The following ADAMTSL1 variants were observed in gnomAD, a reference collection of about 807,000 sequenced individuals.
ADAMTSL1 encodes the protein ADAMTS-like protein 1.
In ADAMTSL1, 126 loss-of-function variants were observed where a neutral mutation model predicts 201.8. The observed-to-expected ratio is 0.62, with a 90% CI of 0.54 to 0.72. The LOEUF (loss-of-function observed/expected upper bound fraction) is 0.72. ADAMTSL1 is among the 30% of genes least tolerant of loss of function. The pLI, the probability that ADAMTSL1 is intolerant of heterozygous loss-of-function variation, is 0.00. For missense variants in ADAMTSL1, 2,679 were observed against 2,277.8 expected, an observed-to-expected ratio of 1.18 and a Z score of -3.59; for synonymous variants, 1,121 against 903.4, an observed-to-expected ratio of 1.24 and a Z score of -4.32.
intron 2 of ADAMTSL1, among the ~76,000 whole-genome samples, chr9:18,347,164 A>C (rs1227837556): frequency 6.6e-6 from 1 of 152,116 alleles, no homozygotes; most frequent in Non-Finnish European, 1.5e-5. Flanking sequence ...TTGTAGGGCA[A>C]TAAATGATAT....
intron 26 of ADAMTSL1, chr9:18,905,551 C>T: frequency 1.9e-6 from 1 of 535,426 alleles, no homozygotes; most frequent in South Asian, 2.2e-5. Context: ...TCTACACTAC[C>T]ATTAGCCATT....
At chr9:18,628,664 G>T (rs1011541473) in intron 5 of ADAMTSL1, among the ~76,000 whole-genome samples, 2 of 152,060 alleles carry the variant, frequency 1.3e-5, no homozygotes, top group African/African-American at 4.8e-5. Flanking sequence ...TTTGGAGGGG[G>T]TAGGAATTGA....
At chr9:18,843,902 T>C (rs1270166924) in intron 23 of ADAMTSL1, among the ~76,000 whole-genome samples, 2 of 151,936 alleles carry the variant, frequency 1.3e-5, no homozygotes, top group Admixed American at 1.3e-4. Flanking sequence ...CTTTAAGCAC[T>C]TCTCTGTATT....
intron 2 of ADAMTSL1, among the ~76,000 whole-genome samples, chr9:18,388,307 G>T (rs774639750): frequency 1.3e-5 from 2 of 151,864 alleles, no homozygotes; most frequent in Non-Finnish European, 2.9e-5. Flanking sequence ...GTCTCACTCT[G>T]TCTTCCAGGC....
At chr9:18,104,053 A>G (rs1824647454) in intron 1 of ADAMTSL1, among the ~76,000 whole-genome samples, 1 of 152,204 alleles carries the variant, frequency 6.6e-6, no homozygotes, top group Admixed American at 6.5e-5. Context: ...ATACAATTAA[A>G]TAGTAACATC....
chr9:18,470,535 A>G (rs181386235), upstream of ADAMTSL1, among the ~76,000 whole-genome samples: 1 of 152,316 alleles, frequency 6.6e-6, no homozygotes, highest in Admixed American at 6.5e-5. Context: ...GGCCCTGCCT[A>G]GCTCTTGAAA....
At chr9:18,300,144 A>C (rs1021715886) in intron 2 of ADAMTSL1, among the ~76,000 whole-genome samples, 2 of 152,236 alleles carry the variant, frequency 1.3e-5, no homozygotes, top group African/African-American at 4.8e-5. Flanking sequence ...TCATGCTGCT[A>C]TAAAGACACA....
chr9:18,807,645 C>CAA (rs1179713904), intron 20 of ADAMTSL1, among the ~76,000 whole-genome samples: 30 of 68,596 alleles, frequency 4.4e-4, no homozygotes, highest in Admixed American at 7.0e-4. Context: ...GACTCTGTCT[C>CAA]AAAAAAAAAA....
intron 2 of ADAMTSL1, among the ~76,000 whole-genome samples, chr9:18,460,473 G>A (rs1394424265): frequency 2.0e-5 from 3 of 152,150 alleles, no homozygotes; most frequent in African/African-American, 7.2e-5. Flanking sequence ...TATGGCTGGA[G>A]AGAGTCCAGG....
intron 1 of ADAMTSL1, among the ~76,000 whole-genome samples, chr9:17,972,993 C>G (rs1818277386): frequency 6.7e-6 from 1 of 148,270 alleles, no homozygotes; most frequent in African/African-American, 2.5e-5. Context: ...TATCCTTCAC[C>G]CACTTTTTGA....
intron 1 of ADAMTSL1, among the ~76,000 whole-genome samples, chr9:17,982,556 A>G (rs889981991): frequency 2.0e-5 from 3 of 152,092 alleles, no homozygotes; most frequent in Non-Finnish European, 4.4e-5. Context: ...AAGTTGCAGT[A>G]AGCCGAGATC....
chr9:18,028,358 T>C (rs1390022662), intron 1 of ADAMTSL1, among the ~76,000 whole-genome samples: 1 of 152,074 alleles, frequency 6.6e-6, no homozygotes, highest in Non-Finnish European at 1.5e-5. Context: ...GGAAACAAAT[T>C]CACTTAATGA....
intron 15 of ADAMTSL1, chr9:18,723,450 C>T (rs912988879): frequency 1.1e-5 from 3 of 268,166 alleles, no homozygotes; most frequent in Non-Finnish European, 1.4e-5. Flanking sequence ...TCTTTGAGCA[C>T]CAAAACGAAT....
At chr9:18,830,275 T>C (rs76707987) in intron 23 of ADAMTSL1, among the ~76,000 whole-genome samples, 24 of 152,234 alleles carry the variant, frequency 1.6e-4, no homozygotes, top group African/African-American at 4.8e-4. Context: ...TCTTGAAACT[T>C]TGAGAAAGTT....
chr9:18,814,066 T>G (rs560916976), intron 20 of ADAMTSL1, among the ~76,000 whole-genome samples: 1 of 152,230 alleles, frequency 6.6e-6, no homozygotes, highest in Non-Finnish European at 1.5e-5. Flanking sequence ...GTCTTTCTTA[T>G]AATAGCCATT....
At chr9:18,385,252 C>G (rs1276640979) in intron 2 of ADAMTSL1, among the ~76,000 whole-genome samples, 1 of 152,098 alleles carries the variant, frequency 6.6e-6, no homozygotes, top group African/African-American at 2.4e-5. Flanking sequence ...GCCTGCATTT[C>G]TTGGACTATT....
chr9:18,531,581 A>G (rs1407820453), intron 2 of ADAMTSL1, among the ~76,000 whole-genome samples: 1 of 152,158 alleles, frequency 6.6e-6, no homozygotes, highest in East Asian at 1.9e-4. Context: ...GACCCTTTCT[A>G]TATTTTTAAG....
intron 2 of ADAMTSL1, among the ~76,000 whole-genome samples, chr9:18,229,952 C>T (rs1830586436): frequency 6.6e-6 from 1 of 152,128 alleles, no homozygotes; most frequent in Non-Finnish European, 1.5e-5. Flanking sequence ...TTGCCTCAGC[C>T]TCCGTAAGTG....
intron 20 of ADAMTSL1, among the ~76,000 whole-genome samples, chr9:18,809,366 G>A (rs978419260): frequency 1.3e-5 from 2 of 152,220 alleles, no homozygotes; most frequent in Admixed American, 6.5e-5. Context: ...GGCCAGGGCT[G>A]ATGTGCTGCT....
Sources: gnomAD v4.1 joint callset for allele counts (sites outside exome capture counted in the v4.1 genomes callset) on GRCh38, gnomAD v4.1.1 for gene constraint, MANE v1.5 for transcripts, NCBI Gene and HGNC (gene_info 2026-07-23, HGNC 2026-07-21) for gene names.